UNC13B: variants seen among roughly 807,000 people sequenced by gnomAD.
UNC13B encodes the protein unc-13 homolog B.
UNC13B carries 144 observed loss-of-function variants against 211.0 expected under a neutral mutation model. The ratio of observed to expected loss-of-function variants is 0.68; its 90% CI spans 0.60 to 0.78. UNC13B has a LOEUF of 0.78. UNC13B is among the 30% of genes least tolerant of loss of function. The pLI, the probability that UNC13B is intolerant of heterozygous loss-of-function variation, is 0.00. For synonymous variants in UNC13B, 709 were observed against 725.8 expected (o/e 0.98, Z 0.37); for missense variants, 1,777 against 2,002.0 (o/e 0.89, Z 2.14).
At position 35,353,184 on chromosome 9, in the gene UNC13B, A is replaced by T. The variant is rs887860089; in HGVS notation, c.9415-13763A>T. ...AATGAAGAGGAGGAATGTGCTGCTC[A>T]CGTCCTCAAGGATGTCTTTGACAAG... On this transcript the variant is annotated intron_variant, in intron 11 of 39. Coordinates refer to ENST00000635942, the MANE Select transcript of UNC13B (RefSeq NM_001371189.2). The T allele has an allele frequency of 2.4e-6, 3 of 1,232,054 alleles. No individual in the cohort carries two copies. In the African/African-American group the frequency reaches 4.7e-5, roughly 19 times the overall value. The allele number at this position is 1,232,054 out of a possible 1,614,324, so 76.3% of individuals were successfully genotyped here.
intron 7 of UNC13B, among the ~76,000 whole-genome samples, chr9:35,273,796 G>T (rs1220756613): frequency 6.6e-6 from 1 of 152,214 alleles, no homozygotes; most frequent in African/African-American, 2.4e-5. Flanking sequence ...CTTTAGGCCT[G>T]TGGGCTGTGT....
intron 1 of UNC13B, among the ~76,000 whole-genome samples, chr9:35,164,900 T>G (rs1249236218): frequency 6.6e-6 from 1 of 152,226 alleles, no homozygotes; most frequent in Non-Finnish European, 1.5e-5. Flanking sequence ...ATGAATCATA[T>G]GCTGCCTGCA....
At chr9:35,283,394 A>G (rs575279757) in intron 7 of UNC13B, among the ~76,000 whole-genome samples, 111 of 152,304 alleles carry the variant, frequency 7.3e-4, no homozygotes, top group Non-Finnish European at 1.1e-3. Context: ...GTTAGACACT[A>G]TCAAATTGTA....
At chr9:35,350,344 C>CA (rs1242333402) in intron 11 of UNC13B, among the ~76,000 whole-genome samples, 5 of 152,144 alleles carry the variant, frequency 3.3e-5, no homozygotes, top group Non-Finnish European at 1.5e-5. Flanking sequence ...AACCCTCCCC[C>CA]ACATGTCCCA....
rs1184785838 is a variant in UNC13B, at chr9:35,260,060, A to AAAC, written c.526+1012_526+1013insCAA. On this transcript the variant is annotated intron_variant, in intron 7 of 39. Coordinates refer to ENST00000635942, the MANE Select transcript of UNC13B (RefSeq NM_001371189.2). ...CTACAAAAAAAAAAAAAAAAAAAAA[A>AAAC]AAAACCAAGTGTGATGGCATGTGCC... Among the ~76,000 whole-genome samples, 12 of 150,040 alleles carry AAAC rather than the reference A, an allele frequency of 8.0e-5. 1 individual carries two copies. In the South Asian group the frequency reaches 2.3e-3, roughly 29 times the overall value.
chr9:35,394,262 A>G (rs538669081), intron 26 of UNC13B, among the ~76,000 whole-genome samples: 6 of 152,318 alleles, frequency 3.9e-5, no homozygotes, highest in African/African-American at 1.2e-4. Flanking sequence ...AGTGAGAGAC[A>G]GGGGCAAGTT....
At position 35,305,133 on chromosome 9, in the gene UNC13B, C is replaced by T. The variant is rs1829862998; in HGVS notation, c.5729C>T (p.Ser1910Phe). ...CCCCAGGGCCAGTCATCCAAAGAGT[C>T]TGATAAAACATTATTTAAAAGTTCA... The part of the protein sequence containing the change: ...ELPQGQSSKE[S>F]DKTLFKSSLK... Residue 1910 changes from serine (S) to phenylalanine (F), a missense_variant, in exon 9 of 40, where the codon TCT becomes TTT. Transcript: ENST00000635942. The T allele has an allele frequency of 2.5e-6, 1 of 398,718 alleles. No individual in the cohort carries two copies. Among genetic ancestry groups the T allele is most frequent in the South Asian group, 1.3e-4 (1 of 7,850 alleles). 24.7% of individuals were successfully genotyped at this position (398,718 alleles called of 1,614,324 possible). A position where few individuals can be genotyped will look rare whatever the true frequency, so the allele number is the denominator to read the frequency against.
In UNC13B at chr9:35,228,006, C is replaced by G. The variant is rs757355473; in HGVS notation, c.23-9C>G. On this transcript the variant is annotated splice_polypyrimidine_tract_variant and intron_variant, in intron 1 of 39. Coordinates refer to ENST00000635942, the MANE Select transcript of UNC13B (RefSeq NM_001371189.2). Reference sequence around the variant, plus strand: ...CATTCTTCATGGTATCCTCTTTTTTCTCTTGCAGTTAAAAGGGCCAAATTC... The same window carrying G: ...CATTCTTCATGGTATCCTCTTTTTTGTCTTGCAGTTAAAAGGGCCAAATTC... 1.9e-6 allele frequency: 3 copies of G among 1,610,120 alleles called. No homozygotes were observed. In the East Asian group the frequency reaches 6.7e-5, roughly 36 times the overall value.
intron 11 of UNC13B, chr9:35,362,172 G>A (rs1392600153): frequency 6.6e-6 from 1 of 152,504 alleles, no homozygotes; most frequent in East Asian, 1.9e-4. Flanking sequence ...TAGTGGCAGT[G>A]TGAAATGGAA....
chr9:35,255,006 TA>T (rs1291294507), intron 6 of UNC13B, among the ~76,000 whole-genome samples: 1 of 120,380 alleles, frequency 8.3e-6, no homozygotes, highest in Non-Finnish European at 1.6e-5. Context: ...TATTATATTA[TA>T]TATTAATATA....
intron 11 of UNC13B, among the ~76,000 whole-genome samples, chr9:35,327,002 C>T (rs561248347): frequency 1.3e-5 from 2 of 152,122 alleles, no homozygotes; most frequent in South Asian, 4.1e-4. Flanking sequence ...TTTTCTCCTA[C>T]TCCTGTTCCT....
At chr9:35,353,556 T>G (rs565071617) in intron 11 of UNC13B, 1 of 1,232,026 alleles carries the variant, frequency 8.1e-7, no homozygotes, top group Non-Finnish European at 1.0e-6. Context: ...CCAAGCACCT[T>G]CTCTCTTGCT....
Position 35,381,724 on chromosome 9 carries a change from GTC to G in UNC13B, c.10655+9_10655+10del, listed in dbSNP as rs755018100. 6 of 1,612,968 alleles carry G rather than the reference GTC, an allele frequency of 3.7e-6. No homozygotes were observed. In the South Asian group the frequency reaches 4.4e-5, roughly 12 times the overall value. On this transcript the variant is annotated splice_donor_region_variant and intron_variant, in intron 20 of 39. Transcript: ENST00000635942. ...GTCCATATATCAGGCCATGACGTGAGTCTCTGCTGCGGCACCGGGAAGTGGCT... is the reference window on the plus strand; with the variant it reads ...GTCCATATATCAGGCCATGACGTGAGTCTGCTGCGGCACCGGGAAGTGGCT...
rs1048421004 is a variant in UNC13B at position 35,257,357 on chromosome 9, A to T, written c.469-1636A>T. Among the ~76,000 whole-genome samples the T allele has an allele frequency of 5.9e-3, 22 of 3,752 alleles. No individual in the cohort carries two copies. The East Asian group carries it at 0.23, about 39-fold the overall frequency. 2.5% of individuals were successfully genotyped at this position (3,752 alleles called of 152,430 possible). On this transcript the variant is annotated intron_variant, in intron 6 of 39. Transcript: ENST00000635942. Reference sequence around the variant, plus strand: ...TATATAAATATTTATAAAAATATTTATATAAATATTTATAAAATATTTATA... The same window carrying T: ...TATATAAATATTTATAAAAATATTTTTATAAATATTTATAAAATATTTATA...
chr9:35,184,578 C>T (rs1822228358), intron 1 of UNC13B, among the ~76,000 whole-genome samples: 1 of 152,128 alleles, frequency 6.6e-6, no homozygotes, highest in African/African-American at 2.4e-5. Context: ...CGTGGCAGCG[C>T]ACGCCTGCAA....
chr9:35,227,833 T>G (rs1361813254), intron 1 of UNC13B, 182 bp from the exon 2 acceptor site: 3 of 479,974 alleles, frequency 6.3e-6, no homozygotes, highest in Non-Finnish European at 7.4e-6. Context: ...GATTGACTTT[T>G]AAGGTCTCGT....
intron 1 of UNC13B, among the ~76,000 whole-genome samples, chr9:35,190,995 T>C (rs1254924608): frequency 6.6e-6 from 1 of 152,176 alleles, no homozygotes; most frequent in African/African-American, 2.4e-5. Flanking sequence ...AGTCTCGCTC[T>C]GTCGCCCAGG....
At chr9:35,328,598 CCCTTCCTTCCTTCCTTCCTTCCTTCCTT>C (rs34586347) in intron 11 of UNC13B, among the ~76,000 whole-genome samples, 1,230 of 98,702 alleles carry the variant, frequency 0.012, 19 homozygotes, top group Non-Finnish European at 0.016. Context: ...CTGAATTGTC[CCCTTCCTTCCTTCCTTCCTTCCTTCCTT>C]CCTTCCTTCC....
At chr9:35,330,107 C>G (rs566832870) in intron 11 of UNC13B, among the ~76,000 whole-genome samples, 2 of 152,224 alleles carry the variant, frequency 1.3e-5, no homozygotes, top group Non-Finnish European at 2.9e-5. Flanking sequence ...AAATAACTAA[C>G]AAATTCATAT....
Sources: allele counts gnomAD v4.1 joint callset (sites outside exome capture counted in the v4.1 genomes callset), GRCh38; gene constraint gnomAD v4.1.1; transcripts MANE v1.5; gene names NCBI Gene and HGNC (gene_info 2026-07-23, HGNC 2026-07-21).